The following DCAF8L2 variants were observed in gnomAD, a reference collection of about 807,000 sequenced individuals.
DCAF8L2 encodes the protein DDB1- and CUL4-associated factor 8-like protein 2.
For missense variants in DCAF8L2, 430 were observed against 490.7 expected (o/e 0.88, Z 1.17); for synonymous variants, 200 against 190.9 (o/e 1.05, Z -0.39).
At chrX:27,501,599 C>T in the DCAF8L2 span, among the ~76,000 whole-genome samples, 8 of 111,214 alleles carry the variant, frequency 7.2e-5, no homozygotes, top group African/African-American at 2.6e-4. Context: ...GAGAGTTAAG[C>T]TCTTTAATCG....
intron 2 of DCAF8L2, among the ~76,000 whole-genome samples, chrX:27,634,833 T>A (rs1051811306): frequency 1.8e-5 from 2 of 111,046 alleles, no homozygotes; most frequent in South Asian, 7.7e-4. Context: ...ATGAATTTTA[T>A]GTTTGGAATA....
chrX:27,502,571 C>T, the DCAF8L2 span, among the ~76,000 whole-genome samples: 1 of 106,478 alleles, frequency 9.4e-6, no homozygotes, highest in African/African-American at 3.4e-5. Flanking sequence ...TTGCTGATGG[C>T]TTATAAGACG....
At chrX:27,531,372 C>T in the DCAF8L2 span, among the ~76,000 whole-genome samples, 15 of 111,517 alleles carry the variant, frequency 1.3e-4, no homozygotes, top group East Asian at 5.7e-4. Flanking sequence ...TTCAATTACC[C>T]GCCTTGGGTC....
chrX:27,513,834 T>C, the DCAF8L2 span, among the ~76,000 whole-genome samples: 3 of 111,754 alleles, frequency 2.7e-5, no homozygotes, highest in African/African-American at 9.8e-5. Flanking sequence ...CAAAACCACA[T>C]TGATATATTA....
At chrX:27,579,193 G>T in the DCAF8L2 span, among the ~76,000 whole-genome samples, 2 of 111,855 alleles carry the variant, frequency 1.8e-5, no homozygotes, top group African/African-American at 3.3e-5. Flanking sequence ...TAAAGAAAAT[G>T]TGATACATAT....
rs189229267 is a variant in DCAF8L2, at chrX:27,731,496, T to C, written c.-59+15325T>C. Among the ~76,000 whole-genome samples the C allele has an allele frequency of 5.4e-5, 6 of 111,783 alleles. No homozygotes were observed. The East Asian group carries it at 1.7e-3, about 32-fold the overall frequency. ...AGTCTGAAATCAAGGTGCCAGCTGA[T>C]TAGATTCCTGGCAAAGACCCTCTTC... On this transcript the variant is annotated intron_variant, in intron 4 of 4. Transcript: ENST00000451261.
At chrX:27,699,576 T>C (rs1004492518) in intron 3 of DCAF8L2, among the ~76,000 whole-genome samples, 6 of 111,665 alleles carry the variant, frequency 5.4e-5, no homozygotes, top group Non-Finnish European at 1.1e-4. Flanking sequence ...TGTGAGGTTA[T>C]TGCAATTACC....
chrX:27,469,596 T>A, the DCAF8L2 span, among the ~76,000 whole-genome samples: 1 of 111,724 alleles, frequency 9.0e-6, no homozygotes, highest in East Asian at 2.8e-4. Context: ...TGATGTCTGA[T>A]GAGAAAATTG....
At chrX:27,701,699 C>T (rs1340365677) in intron 3 of DCAF8L2, among the ~76,000 whole-genome samples, 1 of 110,507 alleles carries the variant, frequency 9.0e-6, no homozygotes, top group Non-Finnish European at 1.9e-5. Flanking sequence ...AAACTTGTGT[C>T]CAAAGAAAAG....
chrX:27,575,741 A>T, the DCAF8L2 span, among the ~76,000 whole-genome samples: 6,948 of 111,731 alleles, frequency 0.062, 541 homozygotes, highest in African/African-American at 0.21. Flanking sequence ...CCAGTCAGAA[A>T]TGTATTTGGT....
At chrX:27,485,163 A>T in the DCAF8L2 span, among the ~76,000 whole-genome samples, 5 of 112,190 alleles carry the variant, frequency 4.5e-5, no homozygotes, top group African/African-American at 1.6e-4. Flanking sequence ...ACATAGACAT[A>T]GGTATTCTCA....
intron 1 of DCAF8L2, among the ~76,000 whole-genome samples, chrX:27,608,499 G>A (rs1401443762): frequency 9.0e-6 from 1 of 111,205 alleles, no homozygotes; most frequent in Admixed American, 9.6e-5. Flanking sequence ...ACACATGATG[G>A]AGGATAACTC....
At chrX:27,614,073 A>T (rs369547704) in intron 1 of DCAF8L2, among the ~76,000 whole-genome samples, 1 of 111,212 alleles carries the variant, frequency 9.0e-6, no homozygotes, top group Admixed American at 9.5e-5. Context: ...CTGTGAATCC[A>T]TCTGGTCCTG....
intron 2 of DCAF8L2, among the ~76,000 whole-genome samples, chrX:27,673,204 C>T (rs1250474439): frequency 9.1e-6 from 1 of 110,283 alleles, no homozygotes; most frequent in East Asian, 2.8e-4. Context: ...AATATCAACC[C>T]GAATTTTAGA....
At chrX:27,493,545 T>A in the DCAF8L2 span, among the ~76,000 whole-genome samples, 3 of 108,095 alleles carry the variant, frequency 2.8e-5, no homozygotes, top group African/African-American at 1.0e-4. Context: ...ACCCTGTCTT[T>A]ACCAAAAATA....
the DCAF8L2 span, among the ~76,000 whole-genome samples, chrX:27,565,060 A>T: frequency 1.0e-4 from 11 of 109,170 alleles, no homozygotes; most frequent in Admixed American, 1.1e-3. Context: ...AATACATTAT[A>T]TATTATATAT....
chrX:27,501,268 C>T, the DCAF8L2 span, among the ~76,000 whole-genome samples: 1 of 104,659 alleles, frequency 9.6e-6, no homozygotes, highest in Non-Finnish European at 2.0e-5. Flanking sequence ...TCCTCCCCTC[C>T]TCTGCTGTGT....
chrX:27,720,084 G>T (rs1319164721), intron 4 of DCAF8L2, among the ~76,000 whole-genome samples: 2 of 107,476 alleles, frequency 1.9e-5, no homozygotes, highest in Non-Finnish European at 3.9e-5. Context: ...TGAGTCAAGG[G>T]TTTTTTTTTA....
chrX:27,469,691 T>C, the DCAF8L2 span, among the ~76,000 whole-genome samples: 2 of 111,678 alleles, frequency 1.8e-5, no homozygotes, highest in Non-Finnish European at 3.8e-5. Flanking sequence ...TTGGACACGT[T>C]ACTACTTGTG....
Sources: gnomAD v4.1 joint callset for allele counts (sites outside exome capture counted in the v4.1 genomes callset) on GRCh38, gnomAD v4.1.1 for gene constraint, MANE v1.5 for transcripts, NCBI Gene and HGNC (gene_info 2026-07-23, HGNC 2026-07-21) for gene names.